The following CDK14 variants were observed in gnomAD, a reference collection of about 807,000 sequenced individuals.
CDK14 encodes cyclin dependent kinase 14.
Under a neutral mutation model 60.7 loss-of-function variants are expected in CDK14, and 34 were observed. The ratio of observed to expected loss-of-function variants is 0.56; its 90% confidence interval spans 0.43 to 0.75. CDK14 has a LOEUF of 0.75. CDK14 is among the 30% of genes least tolerant of loss of function. The probability of loss-of-function intolerance (pLI) is 0.00; values close to 1 mark genes in which losing one functional copy is unlikely to be tolerated. For missense variants in CDK14, 482 were observed against 564.1 expected (o/e 0.85, Z 1.47); for synonymous variants, 197 against 203.7 (o/e 0.97, Z 0.28).
At chr7:90,680,601 C>T (rs922783278) in intron 2 of CDK14, among the ~76,000 whole-genome samples, 19 of 152,170 alleles carry the variant, frequency 1.2e-4, no homozygotes, top group Non-Finnish European at 7.3e-5. Context: ...TAATCAGATT[C>T]CCTCTGCAGG....
intron 2 of CDK14, among the ~76,000 whole-genome samples, chr7:90,719,378 C>G (rs546073252): frequency 6.6e-6 from 1 of 152,196 alleles, no homozygotes; most frequent in African/African-American, 2.4e-5. Context: ...ATGGGTGATT[C>G]AAAGGGACAA....
chr7:90,645,700 AATTT>A (rs769674165), intron 2 of CDK14, among the ~76,000 whole-genome samples: 3 of 152,182 alleles, frequency 2.0e-5, no homozygotes, highest in Admixed American at 6.5e-5. Flanking sequence ...AGACAGTTAT[AATTT>A]ATTTATAGTT....
At chr7:90,948,274 A>C (rs527813171) in intron 8 of CDK14, among the ~76,000 whole-genome samples, 1 of 152,246 alleles carries the variant, frequency 6.6e-6, no homozygotes, top group Non-Finnish European at 1.5e-5. Flanking sequence ...AGAAGCAGAA[A>C]CTAGAAAATG....
chr7:90,631,591 A>C (rs1460112520), intron 2 of CDK14, among the ~76,000 whole-genome samples: 1 of 152,160 alleles, frequency 6.6e-6, no homozygotes, highest in African/African-American at 2.4e-5. Context: ...ACCCATGAAG[A>C]CTTATAGACT....
intron 1 of CDK14, among the ~76,000 whole-genome samples, chr7:90,600,033 AAC>A (rs1470377654): frequency 6.6e-6 from 1 of 152,214 alleles, no homozygotes; most frequent in Non-Finnish European, 1.5e-5. Context: ...TATATTATAA[AAC>A]ACATGGCTTT....
At chr7:90,905,359 A>T (rs905734621) in intron 7 of CDK14, among the ~76,000 whole-genome samples, 19 of 152,204 alleles carry the variant, frequency 1.2e-4, no homozygotes, top group African/African-American at 4.6e-4. Flanking sequence ...CAAACAAAGG[A>T]AAACAAACTG....
chr7:91,159,978 A>G (rs894156902), intron 14 of CDK14, among the ~76,000 whole-genome samples: 1 of 152,132 alleles, frequency 6.6e-6, no homozygotes, highest in African/African-American at 2.4e-5. Context: ...CATGAGTGTG[A>G]TGGGAAGTCA....
chr7:90,985,621 A>G (rs963839872), intron 10 of CDK14, among the ~76,000 whole-genome samples: 1 of 152,204 alleles, frequency 6.6e-6, no homozygotes, highest in African/African-American at 2.4e-5. Context: ...ACGTAGCGAT[A>G]CAAACTGAGG....
chr7:91,126,012 T>C (rs988248135), intron 14 of CDK14, among the ~76,000 whole-genome samples: 1 of 152,192 alleles, frequency 6.6e-6, no homozygotes, highest in African/African-American at 2.4e-5. Flanking sequence ...ACAGTATTTA[T>C]TTTACATTAT....
chr7:90,919,655 TG>T (rs1414361133), intron 8 of CDK14, among the ~76,000 whole-genome samples: 14 of 152,224 alleles, frequency 9.2e-5, no homozygotes, highest in African/African-American at 3.4e-4. Flanking sequence ...TATACTATTT[TG>T]TAAGCATTTT....
intron 4 of CDK14, among the ~76,000 whole-genome samples, chr7:90,776,532 G>A (rs908302033): frequency 2.6e-5 from 4 of 152,158 alleles, no homozygotes; most frequent in Non-Finnish European, 5.9e-5. Flanking sequence ...CCGAGTGTGA[G>A]CTCGGCTTTA....
intron 6 of CDK14, among the ~76,000 whole-genome samples, chr7:90,867,163 G>GT (rs1281056013): frequency 6.6e-6 from 1 of 152,152 alleles, no homozygotes; most frequent in Non-Finnish European, 1.5e-5. Flanking sequence ...GAGTCGCTCA[G>GT]TTAGCTTGAA....
chr7:91,173,907 A>C (rs534998321), intron 14 of CDK14, among the ~76,000 whole-genome samples: 3 of 152,366 alleles, frequency 2.0e-5, no homozygotes, highest in East Asian at 1.9e-4. Context: ...CACAGGCTTG[A>C]TTAGGTAAAC....
At chr7:90,843,041 C>A (rs1790350054) in intron 5 of CDK14, among the ~76,000 whole-genome samples, 1 of 152,116 alleles carries the variant, frequency 6.6e-6, no homozygotes, top group South Asian at 2.1e-4. Flanking sequence ...AAGAAATGTT[C>A]TTCTGTTAAT....
intron 6 of CDK14, among the ~76,000 whole-genome samples, chr7:90,866,188 C>G (rs1449563118): frequency 6.6e-6 from 1 of 150,474 alleles, no homozygotes; most frequent in Non-Finnish European, 1.5e-5. Context: ...ATAGTATTGT[C>G]ACATATATGC....
intron 10 of CDK14, among the ~76,000 whole-genome samples, chr7:91,033,269 A>T (rs1387471710): frequency 6.6e-6 from 1 of 152,220 alleles, no homozygotes; most frequent in East Asian, 1.9e-4. Flanking sequence ...GTGCCAAGCC[A>T]GTTTTCCATG....
intron 2 of CDK14, among the ~76,000 whole-genome samples, chr7:90,627,236 G>A (rs1376431872): frequency 6.6e-6 from 1 of 151,388 alleles, no homozygotes; most frequent in Non-Finnish European, 1.5e-5. Context: ...TTTTTGACAG[G>A]GTCTCCTTTT....
chr7:91,130,044 C>T (rs912522025), intron 14 of CDK14, among the ~76,000 whole-genome samples: 3 of 152,138 alleles, frequency 2.0e-5, no homozygotes, highest in African/African-American at 7.2e-5. Flanking sequence ...GAAACTAACA[C>T]TTGTTGAGTT....
intron 2 of CDK14, chr7:90,608,664 A>G (rs1799471499): frequency 2.5e-6 from 1 of 397,680 alleles, no homozygotes; most frequent in African/African-American, 2.2e-5. Context: ...CAGATAATTA[A>G]GCACTTAGTT....
Sources: gnomAD v4.1 joint callset for allele counts (sites outside exome capture counted in the v4.1 genomes callset) on GRCh38, gnomAD v4.1.1 for gene constraint, MANE v1.5 for transcripts, NCBI Gene and HGNC (gene_info 2026-07-23, HGNC 2026-07-21) for gene names.